Variants in ZNF786 observed in about 807,000 individuals in gnomAD.
The protein encoded by ZNF786 is zinc finger protein 786.
A neutral mutation model predicts 63.1 loss-of-function variants in ZNF786; 56 were observed. The ratio of observed to expected loss-of-function variants is 0.89; its 90% CI spans 0.72 to 1.11. The LOEUF (loss-of-function observed/expected upper bound fraction) is 1.11, where lower values mean the gene tolerates loss of function less well. Among genes scored for constraint, ZNF786 ranks in the 50% least tolerant of loss-of-function variants. ZNF786 has a pLI of 0.00. For missense variants in ZNF786, 1,213 were observed against 1,041.8 expected, an observed-to-expected ratio of 1.16 and a Z score of -2.26; for synonymous variants, 485 against 406.9, an observed-to-expected ratio of 1.19 and a Z score of -2.31.
At chr7:149,076,107 T>C (rs1825543242) in intron 2 of ZNF786, among the ~76,000 whole-genome samples, 1 of 152,008 alleles carries the variant, frequency 6.6e-6, no homozygotes, top group Non-Finnish European at 1.5e-5. Flanking sequence ...AAATAAAATG[T>C]TGCTGGGTTT....
At chr7:149,072,846 T>C (rs540785670) in intron 3 of ZNF786, among the ~76,000 whole-genome samples, 1 of 152,336 alleles carries the variant, frequency 6.6e-6, no homozygotes, top group African/African-American at 2.4e-5. Flanking sequence ...ATAAGATTAC[T>C]GTGAGAATTA....
Position 149,079,302 on chromosome 7 carries a change from G to C in ZNF786, c.145+1289C>G, listed in dbSNP as rs1443963295. 2.6e-5 allele frequency among the ~76,000 whole-genome samples: 4 copies of C among 151,680 alleles called. No homozygotes were observed. In the East Asian group the frequency reaches 6.0e-4, roughly 23 times the overall value. ...TGGGCGCCTGTAGTCCCAGCTACTC[G>C]GGAGGCTGAGGCAGGAGAATGACGT... On this transcript the variant is annotated intron_variant, in intron 2 of 3. Transcript: ENST00000491431.
In ZNF786 at chr7:149,075,655, G is replaced by GTTTTTTTTTTTTTTTTT. The variant is rs1165713050; in HGVS notation, c.146-1134_146-1118dup. On this transcript the variant is annotated intron_variant, in intron 2 of 3. Transcript: ENST00000491431. ...ATCCTACTGTGCTGACACACTTCAGGTTTTTTTTTTTTTTTTTTTTTTTTT... is the reference window on the plus strand; with the variant it reads ...ATCCTACTGTGCTGACACACTTCAGGTTTTTTTTTTTTTTTTTTTTTTTTTTTTTTTTTTTTTTTTTT... Among the ~76,000 whole-genome samples the GTTTTTTTTTTTTTTTTT allele has an allele frequency of 5.8e-5, 4 of 69,454 alleles. 2 individuals are homozygous for GTTTTTTTTTTTTTTTTT. The highest frequency in any genetic ancestry group is 1.4e-3 in the South Asian group (2 of 1,436). 45.6% of individuals were successfully genotyped at this position (69,454 alleles called of 152,430 possible). A position where few individuals can be genotyped will look rare whatever the true frequency, so the allele number is the denominator to read the frequency against.
chr7:149,083,746 C>A (rs541614102), intron 1 of ZNF786, among the ~76,000 whole-genome samples: 1 of 152,160 alleles, frequency 6.6e-6, no homozygotes, highest in East Asian at 1.9e-4. Flanking sequence ...GCTTCGTATC[C>A]ATATATACTC....
At chr7:149,088,184 G>T (rs1825768119) in intron 1 of ZNF786, among the ~76,000 whole-genome samples, 1 of 151,940 alleles carries the variant, frequency 6.6e-6, no homozygotes, top group Admixed American at 6.6e-5. Flanking sequence ...TTTATTTTTA[G>T]TAGAGATGAG....
rs575148543 is a variant in ZNF786 at position 149,073,329 on chromosome 7, G to C, written c.299-856C>G. On this transcript the variant is annotated intron_variant, in intron 3 of 3. Coordinates refer to ENST00000491431, the MANE Select transcript of ZNF786 (RefSeq NM_152411.4). ...GAAATGAAAGAGAGGAGCTCAGGTT[G>C]AAGTATTCAAGTAGACAACAGTCTC... is the stretch of plus-strand genomic sequence containing the variant. Among the ~76,000 whole-genome samples the C allele has an allele frequency of 3.9e-5, 6 of 152,296 alleles. No homozygotes were observed. In the South Asian group the frequency reaches 1.2e-3, roughly 32 times the overall value.
chr7:149,075,088 C>T (rs1825520855), intron 2 of ZNF786, among the ~76,000 whole-genome samples: 2 of 152,244 alleles, frequency 1.3e-5, no homozygotes, highest in South Asian at 4.1e-4. Context: ...CTTGGCCTCC[C>T]AAAGTGCTGG....
At chr7:149,086,422 G>A (rs995149176) in intron 1 of ZNF786, among the ~76,000 whole-genome samples, 1 of 152,172 alleles carries the variant, frequency 6.6e-6, no homozygotes, top group Non-Finnish European at 1.5e-5. Context: ...GAGGTCAGAA[G>A]TTCAATACCA....
At chr7:149,079,194 G>A (rs1467946837) in intron 2 of ZNF786, among the ~76,000 whole-genome samples, 1 of 152,116 alleles carries the variant, frequency 6.6e-6, no homozygotes, top group African/African-American at 2.4e-5. Context: ...GGATCACGAG[G>A]TCAGGAAATC....
At chr7:149,082,584 A>C (rs1825670475) in intron 1 of ZNF786, 1 of 750,610 alleles carries the variant, frequency 1.3e-6, no homozygotes, top group Non-Finnish European at 1.6e-6. Context: ...TTCCAACTTA[A>C]ATTTTTTTTT....
At position 149,071,816 on chromosome 7, in the gene ZNF786, C is replaced by A; in HGVS notation, c.956G>T (p.Ser319Ile). Residue 319 changes from serine (S) to isoleucine (I), a missense_variant, in exon 4 of 4, where the codon AGC (serine) becomes ATC (isoleucine). Coordinates refer to ENST00000491431, the MANE Select transcript of ZNF786 (RefSeq NM_152411.4). ...DSTQARRCQH[S>I]REGPASWREG... ...TCTCCAAGAGGCCGGCCCCTCCCGGCTGTGCTGGCACCGGCGAGCCTGCGT... is the reference window on the plus strand; with the variant it reads ...TCTCCAAGAGGCCGGCCCCTCCCGGATGTGCTGGCACCGGCGAGCCTGCGT... 6.3e-7 allele frequency: 1 copy of A among 1,588,876 alleles called. No individual in the cohort carries two copies. The highest frequency in any genetic ancestry group is 8.5e-7 in the Non-Finnish European group (1 of 1,172,536).
chr7:149,084,348 TC>T (rs1554453551), intron 1 of ZNF786, among the ~76,000 whole-genome samples: 1 of 85,154 alleles, frequency 1.2e-5, no homozygotes. Flanking sequence ...CAAAACTGCA[TC>T]CCAAAAAAAA....
intron 1 of ZNF786, among the ~76,000 whole-genome samples, chr7:149,087,666 C>T (rs1825759391): frequency 6.6e-6 from 1 of 152,204 alleles, no homozygotes; most frequent in Admixed American, 6.5e-5. Context: ...GAGCCCTACC[C>T]ATTCACCTCC....
chr7:149,076,494 C>T lies in ZNF786; in HGVS notation c.146-1956G>A, dbSNP rs188849531. Among the ~76,000 whole-genome samples, 176 of 150,048 alleles carry T rather than the reference C, an allele frequency of 1.2e-3. 1 individual carries two copies. The highest frequency in any genetic ancestry group is 4.0e-3 in the African/African-American group (163 of 41,114). On this transcript the variant is annotated intron_variant, in intron 2 of 3. Coordinates refer to ENST00000491431, the MANE Select transcript of ZNF786 (RefSeq NM_152411.4). ...CTGTAATCCCAGCACTTTGGGAGGC[C>T]GAGGCGGGAGGATGACGAGGTCAGG...
chr7:149,088,020 C>A (rs963300337), intron 1 of ZNF786, among the ~76,000 whole-genome samples: 1 of 125,276 alleles, frequency 8.0e-6, no homozygotes, highest in African/African-American at 3.1e-5. Flanking sequence ...GTCTTTCTTT[C>A]GAGACCGAGT....
rs962627565 is a variant in ZNF786, at chr7:149,072,158, TG to T, written c.613del (p.His205ThrfsTer77). On this transcript the variant is annotated frameshift_variant, in exon 4 of 4. Transcript: ENST00000491431. LOFTEE classifies it high-confidence loss of function. ...CCGGTCCTTTGAGTGGCCTCTCTGG[TG>T]CATTACTAAATGGTTGTTCTCCCAA... ...SCWENNHLVMHQRGHSKDRTR... is the reference protein window; with the variant it reads ...SCWENNHLVMXQRGHSKDRTR... The T allele has an allele frequency of 3.1e-6, 5 of 1,613,048 alleles. No individual in the cohort carries two copies. The highest frequency in any genetic ancestry group is 4.2e-6 in the Non-Finnish European group (5 of 1,179,704).
At chr7:149,081,461 A>T (rs77231131) in intron 1 of ZNF786, among the ~76,000 whole-genome samples, 1 of 150,978 alleles carries the variant, frequency 6.6e-6, no homozygotes, top group African/African-American at 2.4e-5. Context: ...AAAAAAAAAA[A>T]AAGTGTTCTC....
chr7:149,088,204 T>C (rs1825768349), intron 1 of ZNF786, among the ~76,000 whole-genome samples: 1 of 152,090 alleles, frequency 6.6e-6, no homozygotes, highest in Non-Finnish European at 1.5e-5. Context: ...GATTTCACCA[T>C]GTTGGCCAGG....
At position 149,072,098 on chromosome 7, in the gene ZNF786, G is replaced by T. The variant is rs757993929; in HGVS notation, c.674C>A (p.Ala225Glu). Reference sequence around the variant, plus strand: ...GCTGCTCCACGGCATCTGCGTCTCCGCCCTCTTGTTGAATTTCTCCCAGGC... The same window carrying T: ...GCTGCTCCACGGCATCTGCGTCTCCTCCCTCTTGTTGAATTTCTCCCAGGC... ...RRAWEKFNKR[A>E]ETQMPWSSPR... The change falls in exon 4 of 4, where the codon GCG becomes GAG. Residue 225 changes from alanine to glutamate, a missense_variant. Coordinates refer to ENST00000491431, the MANE Select transcript of ZNF786 (RefSeq NM_152411.4). 1.6e-5 allele frequency: 25 copies of T among 1,612,902 alleles called. No individual in the cohort carries two copies. The South Asian group carries it at 2.5e-4, about 16-fold the overall frequency.
Sources: allele counts gnomAD v4.1 joint callset (sites outside exome capture counted in the v4.1 genomes callset), GRCh38; gene constraint gnomAD v4.1.1; transcripts MANE v1.5; gene names NCBI Gene and HGNC (gene_info 2026-07-23, HGNC 2026-07-21).